The following NRG1 variants were observed in gnomAD, a reference collection of about 807,000 sequenced individuals.
NRG1 encodes pro-neuregulin-1, membrane-bound isoform.
A neutral mutation model predicts 63.8 loss-of-function variants in NRG1; 18 were observed. The ratio of observed to expected loss-of-function variants is 0.28; its 90% CI spans 0.19 to 0.42. The LOEUF (loss-of-function observed/expected upper bound fraction) is 0.42. Among genes scored for constraint, NRG1 ranks in the 10% least tolerant of loss-of-function variants. The pLI, the probability that NRG1 is intolerant of heterozygous loss-of-function variation, is 1.00. For missense variants in NRG1, 762 were observed against 814.7 expected (o/e 0.94, Z 0.79); for synonymous variants, 302 against 301.3 (o/e 1.00, Z -0.02).
intron 1 of NRG1, among the ~76,000 whole-genome samples, chr8:32,450,353 AT>A (rs1241372725): frequency 6.6e-5 from 10 of 152,064 alleles, no homozygotes; most frequent in Admixed American, 6.6e-4. Context: ...GTAGTTCACA[AT>A]GGTTGTGTCT....
At chr8:32,693,887 C>T (rs1306988086) in intron 5 of NRG1, among the ~76,000 whole-genome samples, 2 of 152,164 alleles carry the variant, frequency 1.3e-5, no homozygotes, top group African/African-American at 4.8e-5. Flanking sequence ...GACAAGTTAG[C>T]TCTATAGACC....
Position 32,021,164 on chromosome 8 carries a change from A to C in NRG1, c.37+381733A>C, listed in dbSNP as rs555595570. Among the ~76,000 whole-genome samples the C allele has an allele frequency of 1.1e-4, 17 of 152,308 alleles. No homozygotes were observed. In the South Asian group the frequency reaches 3.5e-3, roughly 32 times the overall value. On this transcript the variant is annotated intron_variant, in intron 1 of 10. Transcript: ENST00000519301. ...AGTTGATTTTTATTTTTTTCAGAAA[A>C]AATGCCTTAGTCTGTTTGGTATTGC...
At chr8:32,495,214 G>A (rs1205388842) in intron 1 of NRG1, among the ~76,000 whole-genome samples, 1 of 152,104 alleles carries the variant, frequency 6.6e-6, no homozygotes, top group Non-Finnish European at 1.5e-5. Flanking sequence ...GGATCCCGTC[G>A]GAGGTAATTG....
At chr8:31,723,184 A>G (rs1319190412) in intron 1 of NRG1, among the ~76,000 whole-genome samples, 1 of 152,150 alleles carries the variant, frequency 6.6e-6, no homozygotes, top group Non-Finnish European at 1.5e-5. Context: ...GGGATCTATC[A>G]CTATGAAAAG....
intron 1 of NRG1, among the ~76,000 whole-genome samples, chr8:31,655,199 T>G (rs1185350484): frequency 6.6e-6 from 1 of 152,220 alleles, no homozygotes; most frequent in African/African-American, 2.4e-5. Context: ...ATCAGGCATC[T>G]ATTATTTGAT....
chr8:31,643,506 C>T (rs1478635902), intron 1 of NRG1, among the ~76,000 whole-genome samples: 1 of 152,154 alleles, frequency 6.6e-6, no homozygotes, highest in South Asian at 2.1e-4. Context: ...GGAATAATGT[C>T]GATAAAACAA....
chr8:31,965,372 A>G (rs1232079452), intron 1 of NRG1, among the ~76,000 whole-genome samples: 2 of 151,880 alleles, frequency 1.3e-5, no homozygotes, highest in African/African-American at 4.8e-5. Context: ...ACAGGTGCAC[A>G]CCACCATACC....
intron 1 of NRG1, among the ~76,000 whole-genome samples, chr8:32,457,756 G>A (rs1314951142): frequency 6.6e-6 from 1 of 151,998 alleles, no homozygotes; most frequent in Non-Finnish European, 1.5e-5. Flanking sequence ...TGTTTGTTTT[G>A]TTGTGTTTTA....
At chr8:32,654,295 G>T (rs1392223635) in intron 5 of NRG1, among the ~76,000 whole-genome samples, 2 of 152,090 alleles carry the variant, frequency 1.3e-5, no homozygotes, top group East Asian at 3.9e-4. Flanking sequence ...ATACTAATTA[G>T]TAAAACTTTT....
intron 1 of NRG1, among the ~76,000 whole-genome samples, chr8:31,757,427 A>T (rs967936013): frequency 2.0e-5 from 3 of 152,134 alleles, no homozygotes; most frequent in African/African-American, 4.8e-5. Context: ...AACTCCACTA[A>T]ATCAGGACAT....
intron 1 of NRG1, among the ~76,000 whole-genome samples, chr8:32,425,531 G>T (rs947891666): frequency 2.0e-5 from 3 of 152,102 alleles, no homozygotes; most frequent in Non-Finnish European, 4.4e-5. Flanking sequence ...AAGTTTTATT[G>T]GAACACACCC....
At chr8:32,707,997 A>C (rs1816858611) in intron 5 of NRG1, among the ~76,000 whole-genome samples, 1 of 151,980 alleles carries the variant, frequency 6.6e-6, no homozygotes, top group Non-Finnish European at 1.5e-5. Flanking sequence ...ATATTCCTTT[A>C]TTATCATAAA....
At chr8:32,419,259 T>C (rs1270596667) in intron 1 of NRG1, among the ~76,000 whole-genome samples, 5 of 152,208 alleles carry the variant, frequency 3.3e-5, no homozygotes, top group Non-Finnish European at 7.3e-5. Flanking sequence ...ACAGGGGACA[T>C]AAATATATGG....
intron 1 of NRG1, among the ~76,000 whole-genome samples, chr8:31,798,163 A>C (rs1001410476): frequency 2.6e-5 from 4 of 152,168 alleles, no homozygotes; most frequent in African/African-American, 9.7e-5. Context: ...GGTTAAATAC[A>C]GCTGGAGATG....
At chr8:32,024,152 G>A (rs1389796731) in intron 1 of NRG1, among the ~76,000 whole-genome samples, 3 of 152,158 alleles carry the variant, frequency 2.0e-5, no homozygotes, top group Non-Finnish European at 4.4e-5. Context: ...CTGTGATCCT[G>A]CCTAATACAG....
chr8:32,621,079 A>C (rs1435651816), intron 5 of NRG1, among the ~76,000 whole-genome samples: 1 of 152,002 alleles, frequency 6.6e-6, no homozygotes, highest in East Asian at 1.9e-4. Context: ...TATTTTTCCT[A>C]CCACTTGTAA....
At position 31,859,620 on chromosome 8, in the gene NRG1, C is replaced by T. The variant is rs570979220; in HGVS notation, c.37+220189C>T. On this transcript the variant is annotated intron_variant, in intron 1 of 10. Coordinates refer to the NRG1 transcript ENST00000519301. ...CATAACTATTGAAGAATAAAACAGC[C>T]ACTTATGCACAAGGTGAGGGATATC... Among the ~76,000 whole-genome samples the T allele has an allele frequency of 2.0e-5, 3 of 152,258 alleles. No individual in the cohort carries two copies. In the East Asian group the frequency reaches 5.8e-4, roughly 29 times the overall value.
At chr8:32,686,400 C>T (rs1197710390) in intron 5 of NRG1, among the ~76,000 whole-genome samples, 4 of 152,154 alleles carry the variant, frequency 2.6e-5, no homozygotes, top group African/African-American at 9.7e-5. Flanking sequence ...GTGAGGATAG[C>T]TGGAAATAAT....
intron 5 of NRG1, among the ~76,000 whole-genome samples, chr8:32,698,401 T>C (rs1298444159): frequency 1.3e-5 from 2 of 152,164 alleles, no homozygotes; most frequent in African/African-American, 2.4e-5. Context: ...AGGAGAGTCA[T>C]GCAGGCAGAC....
Sources: gnomAD v4.1 joint callset for allele counts (sites outside exome capture counted in the v4.1 genomes callset) on GRCh38, gnomAD v4.1.1 for gene constraint, MANE v1.5 for transcripts, NCBI Gene and HGNC (gene_info 2026-07-23, HGNC 2026-07-21) for gene names.